Variants in PRH1 observed in about 807,000 individuals in gnomAD.
PRH1 encodes the protein salivary acidic proline-rich phosphoprotein 1/2.
Under a neutral mutation model 7.9 loss-of-function variants are expected in PRH1, and 7 were observed. The observed-to-expected ratio is 0.89, with a 90% CI of 0.50 to 1.67. PRH1 has a LOEUF of 1.67. Among genes scored for constraint, PRH1 ranks in the 40% most tolerant of loss-of-function variants. The pLI, the probability that PRH1 is intolerant of heterozygous loss-of-function variation, is 0.00. For synonymous variants in PRH1, 45 were observed against 80.8 expected, an observed-to-expected ratio of 0.56 and a Z score of 2.38; for missense variants, 109 against 223.6, an observed-to-expected ratio of 0.49 and a Z score of 3.27.
intron 1 of PRH1, among the ~76,000 whole-genome samples, chr12:11,070,554 T>C (rs150621055): frequency 0.014 from 2,072 of 152,052 alleles, no homozygotes; most frequent in South Asian, 0.027. Context: ...ATAAAGTCTC[T>C]TCCTTTCTTT....
At chr12:10,991,608 T>C (rs1209501356) in intron 1 of PRH1, among the ~76,000 whole-genome samples, 3 of 152,198 alleles carry the variant, frequency 2.0e-5, no homozygotes, top group African/African-American at 7.2e-5. Flanking sequence ...AAATAACATA[T>C]ATGAATAATC....
At chr12:10,964,464 G>A in intron 2 of PRH1, 1 of 249,784 alleles carries the variant, frequency 4.0e-6, no homozygotes. Context: ...CACTTAATCT[G>A]ACACAAAATC....
In PRH1 at chr12:11,094,778, C is replaced by A. The variant is rs74850988; in HGVS notation, n.124-47590G>T. 1.9e-3 allele frequency among the ~76,000 whole-genome samples: 214 copies of A among 115,226 alleles called. 50 individuals carry two copies. Among genetic ancestry groups the A allele is most frequent in the African/African-American group, 4.3e-3 (148 of 34,300 alleles). 75.6% of individuals were successfully genotyped at this position (115,226 alleles called of 152,430 possible). ...CACTTAGAAATGAACCAATACAAAA[C>A]TGGGAAATTCCACAGTGTATCATAA... On this transcript the variant is annotated intron_variant and non_coding_transcript_variant, in intron 1 of 4. Transcript: ENST00000541977.
chr12:10,917,981 T>C (rs1288188019), intron 2 of PRH1, among the ~76,000 whole-genome samples: 1 of 152,170 alleles, frequency 6.6e-6, no homozygotes, highest in Non-Finnish European at 1.5e-5. Flanking sequence ...TTTTGGAACT[T>C]CCCAGCCTGC....
chr12:11,040,169 T>C (rs1357918458), intron 1 of PRH1, among the ~76,000 whole-genome samples: 1 of 152,232 alleles, frequency 6.6e-6, no homozygotes, highest in Non-Finnish European at 1.5e-5. Flanking sequence ...TTTTTCTCCG[T>C]TTAATTTATT....
At chr12:10,938,069 A>C (rs1235922416) in intron 2 of PRH1, 1 of 498,726 alleles carries the variant, frequency 2.0e-6, no homozygotes, top group Admixed American at 3.7e-5. Flanking sequence ...TAGTATTCGC[A>C]TTCTTCTCTG....
intron 2 of PRH1, among the ~76,000 whole-genome samples, chr12:10,955,685 C>A (rs534373363): frequency 4.9e-4 from 74 of 151,710 alleles, no homozygotes; most frequent in Middle Eastern, 3.4e-3. Flanking sequence ...CCTAACCAGA[C>A]TAATAAAGAA....
Position 11,094,277 on chromosome 12 carries a change from G to A in PRH1, n.124-47089C>T, listed in dbSNP as rs867491097. Among the ~76,000 whole-genome samples, 5 of 68,370 alleles carry A rather than the reference G, an allele frequency of 7.3e-5. 1 individual carries two copies. The highest frequency in any genetic ancestry group is 2.4e-4 in the African/African-American group (5 of 20,726). The allele number at this position is 68,370 out of a possible 152,430, so 44.9% of individuals were successfully genotyped here. On this transcript the variant is annotated intron_variant and non_coding_transcript_variant, in intron 1 of 4. Transcript: ENST00000541977. ...AGATCACGCCACTGCACCCCAGCCT[G>A]AGTGACAGACCAAGACTCTGTCAAA...
intron 1 of PRH1, among the ~76,000 whole-genome samples, chr12:11,122,988 T>C (rs150766588): frequency 6.6e-6 from 1 of 152,242 alleles, no homozygotes; most frequent in African/African-American, 2.4e-5. Context: ...TAATTTATAA[T>C]GATCTTTTTT....
chr12:11,027,400 A>T (rs1941969088), intron 1 of PRH1, among the ~76,000 whole-genome samples: 1 of 151,632 alleles, frequency 6.6e-6, no homozygotes, highest in African/African-American at 2.4e-5. Context: ...ACCTGAGAAG[A>T]TTCAGGGACC....
At chr12:10,938,664 T>G in intron 2 of PRH1, 1 of 1,614,050 alleles carries the variant, frequency 6.2e-7, no homozygotes, top group East Asian at 2.2e-5. Flanking sequence ...ACAGTGCTGG[T>G]TAATACAATA....
intron 2 of PRH1, among the ~76,000 whole-genome samples, chr12:10,928,735 T>C (rs1460941859): frequency 6.6e-6 from 1 of 152,174 alleles, no homozygotes; most frequent in African/African-American, 2.4e-5. Flanking sequence ...GCATCTCTAT[T>C]ACATGAAAAA....
At chr12:10,914,800 A>T (rs781287546) in intron 2 of PRH1, among the ~76,000 whole-genome samples, 3 of 152,202 alleles carry the variant, frequency 2.0e-5, no homozygotes, top group Admixed American at 6.5e-5. Flanking sequence ...CTGCTTCTCA[A>T]CACTGAATAG....
At chr12:10,978,438 G>A (rs1390106180) in intron 1 of PRH1, among the ~76,000 whole-genome samples, 2 of 152,080 alleles carry the variant, frequency 1.3e-5, no homozygotes, top group Non-Finnish European at 2.9e-5. Flanking sequence ...ATACTAAAAT[G>A]TAAAACCTAA....
chr12:11,026,176 T>C (rs1468143885), intron 1 of PRH1, among the ~76,000 whole-genome samples: 2 of 152,264 alleles, frequency 1.3e-5, no homozygotes, highest in South Asian at 2.1e-4. Context: ...TTTGGAACTA[T>C]AGGCATGCAC....
chr12:10,990,125 C>G (rs993507705), intron 1 of PRH1, among the ~76,000 whole-genome samples: 2 of 152,054 alleles, frequency 1.3e-5, no homozygotes, highest in Non-Finnish European at 2.9e-5. Context: ...TAAAAACAGA[C>G]ACATAGAGCA....
chr12:11,017,424 G>A (rs375586879), intron 1 of PRH1, among the ~76,000 whole-genome samples: 5 of 148,958 alleles, frequency 3.4e-5, no homozygotes, highest in African/African-American at 7.3e-5. Flanking sequence ...GAACACCAAC[G>A]CAGATATTGT....
chr12:11,070,077 G>A (rs763123877), intron 1 of PRH1, among the ~76,000 whole-genome samples: 9 of 152,148 alleles, frequency 5.9e-5, no homozygotes, highest in Non-Finnish European at 8.8e-5. Flanking sequence ...CCACCCACAA[G>A]GAATGTCAGG....
intron 1 of PRH1, among the ~76,000 whole-genome samples, chr12:11,146,178 T>C (rs1179946844): frequency 2.0e-5 from 3 of 152,144 alleles, no homozygotes; most frequent in South Asian, 4.1e-4. Context: ...TAATATATTT[T>C]ACCAACAGAT....
Sources: allele counts gnomAD v4.1 joint callset (sites outside exome capture counted in the v4.1 genomes callset), GRCh38; gene constraint gnomAD v4.1.1; transcripts MANE v1.5; gene names NCBI Gene and HGNC (gene_info 2026-07-23, HGNC 2026-07-21).